The following KLF12 variants were observed in gnomAD, a reference collection of about 807,000 sequenced individuals.
KLF12 encodes Krueppel-like factor 12.
Under a neutral mutation model 37.8 loss-of-function variants are expected in KLF12, and 9 were observed. The observed-to-expected ratio is 0.24, with a 90% CI of 0.14 to 0.42. KLF12 has a LOEUF of 0.42. KLF12 is among the 10% of genes least tolerant of loss of function. KLF12 has a pLI of 1.00. For missense variants in KLF12, 411 were observed against 516.0 expected (o/e 0.80, Z 1.97); for synonymous variants, 208 against 202.1 (o/e 1.03, Z -0.25).
the KLF12 span, among the ~76,000 whole-genome samples, chr13:74,281,443 A>T: frequency 6.6e-6 from 1 of 152,228 alleles, no homozygotes; most frequent in Non-Finnish European, 1.5e-5. Context: ...TAAAAATTAG[A>T]TATGGCATGG....
the KLF12 span, among the ~76,000 whole-genome samples, chr13:74,165,899 C>T: frequency 9.9e-4 from 150 of 152,196 alleles, 1 homozygote; most frequent in Non-Finnish European, 1.7e-3. Context: ...AGGACCTCTG[C>T]CCATTGCAAA....
intron 5 of KLF12, among the ~76,000 whole-genome samples, chr13:73,796,058 C>G (rs912509908): frequency 6.6e-6 from 1 of 152,104 alleles, no homozygotes; most frequent in African/African-American, 2.4e-5. Context: ...ATCAGATAAG[C>G]AAGCTTATTT....
intron 6 of KLF12, among the ~76,000 whole-genome samples, chr13:73,732,888 A>T (rs1483598713): frequency 6.6e-6 from 1 of 152,048 alleles, no homozygotes; most frequent in East Asian, 1.9e-4. Flanking sequence ...CTCCTTTCCC[A>T]GTTTTCCCTG....
chr13:73,733,009 G>A (rs563744327), intron 6 of KLF12, among the ~76,000 whole-genome samples: 1 of 151,954 alleles, frequency 6.6e-6, no homozygotes, highest in Admixed American at 6.6e-5. Flanking sequence ...CCTCTAAAAC[G>A]TATCTCAAAT....
chr13:73,736,656 G>A (rs1277593042), intron 6 of KLF12, among the ~76,000 whole-genome samples: 1 of 152,208 alleles, frequency 6.6e-6, no homozygotes, highest in Non-Finnish European at 1.5e-5. Context: ...CACTCATGAT[G>A]CATATTTCGG....
chr13:74,275,811 T>TTTCC, the KLF12 span, among the ~76,000 whole-genome samples: 9 of 80,578 alleles, frequency 1.1e-4, no homozygotes, highest in East Asian at 5.9e-4. Context: ...TCTTTCCTTC[T>TTTCC]TTCTTTCTTT....
Position 74,089,347 on chromosome 13 carries a change from T to C in KLF12, c.-32+44392A>G, listed in dbSNP as rs1258405389. ...TTTTTAACCCTAAAAGGACCAAATA[T>C]CTTCAAAATAATGATGGTGGTGACT... On this transcript the variant is annotated intron_variant, in intron 1 of 7. Coordinates refer to ENST00000377669, the MANE Select transcript of KLF12 (RefSeq NM_007249.5). Among the ~76,000 whole-genome samples, 4 of 152,130 alleles carry C rather than the reference T, an allele frequency of 2.6e-5. No homozygotes were observed. In the East Asian group the frequency reaches 5.8e-4, roughly 22 times the overall value.
intron 3 of KLF12, among the ~76,000 whole-genome samples, chr13:73,902,440 C>T (rs1888084376): frequency 6.6e-6 from 1 of 152,250 alleles, no homozygotes; most frequent in East Asian, 1.9e-4. Flanking sequence ...AATATCATTT[C>T]CATTTTTATA....
At chr13:74,143,162 CTTCTTCT>C in the KLF12 span, among the ~76,000 whole-genome samples, 7 of 151,346 alleles carry the variant, frequency 4.6e-5, no homozygotes, top group African/African-American at 7.3e-5. Flanking sequence ...CCTTCCTCTT[CTTCTTCT>C]TTCTTCTTTC....
At chr13:74,233,817 C>G in the KLF12 span, among the ~76,000 whole-genome samples, 1 of 152,138 alleles carries the variant, frequency 6.6e-6, no homozygotes, top group Non-Finnish European at 1.5e-5. Context: ...CAATAAATAA[C>G]ATGGTAATAT....
chr13:74,200,536 CTGAA>C, the KLF12 span, among the ~76,000 whole-genome samples: 1 of 151,998 alleles, frequency 6.6e-6, no homozygotes, highest in Non-Finnish European at 1.5e-5. Context: ...AGGGAAAAGA[CTGAA>C]GATTGAAGAA....
intron 2 of KLF12, among the ~76,000 whole-genome samples, chr13:73,971,428 C>T (rs17061818): frequency 0.048 from 7,314 of 152,220 alleles, 373 homozygotes; most frequent in African/African-American, 0.13. Flanking sequence ...CAAATGATCC[C>T]TGTTCTTAGG....
intron 3 of KLF12, among the ~76,000 whole-genome samples, chr13:73,878,973 A>G (rs1347582625): frequency 6.6e-6 from 1 of 152,302 alleles, no homozygotes; most frequent in East Asian, 1.9e-4. Flanking sequence ...TGAGAAGGAA[A>G]GTTTTTGAAT....
chr13:73,785,295 G>A (rs1176735492), intron 5 of KLF12, among the ~76,000 whole-genome samples: 1 of 151,838 alleles, frequency 6.6e-6, no homozygotes, highest in Non-Finnish European at 1.5e-5. Flanking sequence ...TGTATTTTTT[G>A]TAGAGACAGG....
chr13:74,068,848 C>T (rs1490578031), intron 1 of KLF12, among the ~76,000 whole-genome samples: 1 of 152,172 alleles, frequency 6.6e-6, no homozygotes, highest in African/African-American at 2.4e-5. Flanking sequence ...TGAGCCACTG[C>T]ACCCGGCCTA....
intron 6 of KLF12, among the ~76,000 whole-genome samples, chr13:73,728,056 C>T (rs1334530613): frequency 3.3e-5 from 5 of 152,228 alleles, no homozygotes; most frequent in African/African-American, 4.8e-5. Context: ...AAATTGTAGA[C>T]TGCTGCCATC....
intron 4 of KLF12, among the ~76,000 whole-genome samples, chr13:73,826,920 T>C (rs910006260): frequency 6.6e-6 from 1 of 152,154 alleles, no homozygotes; most frequent in African/African-American, 2.4e-5. Flanking sequence ...TAGCTGGGAC[T>C]ACAGGTGTGG....
At chr13:73,841,198 C>T (rs1050938319) in intron 4 of KLF12, among the ~76,000 whole-genome samples, 26 of 152,142 alleles carry the variant, frequency 1.7e-4, no homozygotes, top group Admixed American at 3.3e-4. Context: ...ATGCACACTG[C>T]ATATCGGAAG....
chr13:74,051,911 C>T (rs2138600291), intron 1 of KLF12, among the ~76,000 whole-genome samples: 1 of 152,216 alleles, frequency 6.6e-6, no homozygotes, highest in East Asian at 1.9e-4. Flanking sequence ...AGAAATTATA[C>T]ATGTTCGAAG....
Sources: gnomAD v4.1 joint callset for allele counts (sites outside exome capture counted in the v4.1 genomes callset) on GRCh38, gnomAD v4.1.1 for gene constraint, MANE v1.5 for transcripts, NCBI Gene and HGNC (gene_info 2026-07-23, HGNC 2026-07-21) for gene names.